The following TAFA2 variants were observed in gnomAD, a reference collection of about 807,000 sequenced individuals.
TAFA2 encodes the protein chemokine-like protein TAFA-2.
TAFA2 carries 7 observed loss-of-function variants against 18.8 expected under a neutral mutation model. The ratio of observed to expected loss-of-function variants is 0.37; its 90% confidence interval spans 0.21 to 0.70. The LOEUF is 0.70. TAFA2 is among the 30% of genes least tolerant of loss of function. The pLI is 0.53. For missense variants in TAFA2, 122 were observed against 158.1 expected (o/e 0.77, Z 1.23); for synonymous variants, 60 against 54.2 (o/e 1.11, Z -0.47).
At chr12:62,140,853 C>T (rs1317811630) in intron 1 of TAFA2, among the ~76,000 whole-genome samples, 2 of 152,146 alleles carry the variant, frequency 1.3e-5, no homozygotes, top group African/African-American at 2.4e-5. Flanking sequence ...GCCTTGCTTG[C>T]ATCACATCAA....
At chr12:61,712,348 A>G (rs547421945) in intron 4 of TAFA2, among the ~76,000 whole-genome samples, 3 of 152,262 alleles carry the variant, frequency 2.0e-5, no homozygotes, top group Admixed American at 6.5e-5. Context: ...TTGAGAAATG[A>G]TCCTCTCAGC....
intron 2 of TAFA2, among the ~76,000 whole-genome samples, chr12:61,837,040 A>G (rs953738393): frequency 5.3e-5 from 8 of 151,536 alleles, no homozygotes; most frequent in African/African-American, 1.9e-4. Context: ...TAAAATTTAG[A>G]AAGTTTTTTA....
chr12:61,906,401 G>T (rs968225864), intron 1 of TAFA2, among the ~76,000 whole-genome samples: 28 of 152,126 alleles, frequency 1.8e-4, no homozygotes, highest in African/African-American at 5.1e-4. Context: ...ATGCTCTCTT[G>T]CCTGCTGCCA....
At chr12:61,830,104 C>T (rs2121088377) in intron 2 of TAFA2, among the ~76,000 whole-genome samples, 1 of 151,468 alleles carries the variant, frequency 6.6e-6, no homozygotes. Flanking sequence ...ATGGAACCCA[C>T]CTGTATCTAC....
At chr12:62,086,478 G>A (rs183405732) in intron 1 of TAFA2, among the ~76,000 whole-genome samples, 39 of 152,070 alleles carry the variant, frequency 2.6e-4, no homozygotes, top group Middle Eastern at 6.8e-3. Flanking sequence ...ATTTAAAAAC[G>A]GACAAAGACT....
At chr12:62,073,877 G>C (rs907073138) in intron 1 of TAFA2, among the ~76,000 whole-genome samples, 2 of 152,164 alleles carry the variant, frequency 1.3e-5, no homozygotes, top group South Asian at 4.1e-4. Context: ...GCAAGAGTAG[G>C]GATTGTCTCC....
chr12:62,000,591 T>C (rs368649535), intron 1 of TAFA2, among the ~76,000 whole-genome samples: 2 of 146,572 alleles, frequency 1.4e-5, no homozygotes, highest in African/African-American at 4.9e-5. Flanking sequence ...GATATATCTA[T>C]GTATTTAAAC....
chr12:62,114,858 A>G (rs2136870342), intron 1 of TAFA2, among the ~76,000 whole-genome samples: 1 of 152,292 alleles, frequency 6.6e-6, no homozygotes, highest in East Asian at 1.9e-4. Context: ...TTTTCTTGGT[A>G]TAATTCATAG....
At chr12:62,250,078 C>T (rs1252744881) in intron 1 of TAFA2, among the ~76,000 whole-genome samples, 1 of 152,190 alleles carries the variant, frequency 6.6e-6, no homozygotes, top group Non-Finnish European at 1.5e-5. Context: ...GCATCTGCAT[C>T]TGGTGAGAAG....
intron 1 of TAFA2, among the ~76,000 whole-genome samples, chr12:61,919,760 T>A (rs1876976425): frequency 6.6e-6 from 1 of 152,030 alleles, no homozygotes; most frequent in African/African-American, 2.4e-5. Flanking sequence ...AATTGTATAA[T>A]TGTCAATTTC....
intron 2 of TAFA2, among the ~76,000 whole-genome samples, chr12:61,863,894 A>T (rs956596036): frequency 6.6e-6 from 1 of 152,128 alleles, no homozygotes; most frequent in Non-Finnish European, 1.5e-5. Flanking sequence ...AGGGTAGACG[A>T]GGCCATCTAT....
rs143657250 is a variant in TAFA2 at position 62,108,605 on chromosome 12, A to T, written c.-2+82654T>A. The stretch of plus-strand genomic sequence containing the variant: ...TGAACTAATTTACACTCCCACCAAC[A>T]GTGTAAAAGCGTTCCTATTTCTCCA... On this transcript the variant is annotated intron_variant, in intron 1 of 4. Coordinates refer to ENST00000416284, the MANE Select transcript of TAFA2 (RefSeq NM_178539.5). 8.6e-3 allele frequency among the ~76,000 whole-genome samples: 1,304 copies of T among 152,304 alleles called. 17 individuals carry two copies. Among genetic ancestry groups the T allele is most frequent in the Middle Eastern group, 0.034 (10 of 294 alleles).
intron 1 of TAFA2, among the ~76,000 whole-genome samples, chr12:62,178,336 C>A (rs553994028): frequency 6.6e-6 from 1 of 152,132 alleles, no homozygotes; most frequent in Admixed American, 6.5e-5. Flanking sequence ...CTCAGTGGGG[C>A]AGTAATAAAA....
At chr12:61,982,209 T>C (rs1398608353) in intron 1 of TAFA2, among the ~76,000 whole-genome samples, 1 of 152,102 alleles carries the variant, frequency 6.6e-6, no homozygotes, top group Admixed American at 6.5e-5. Context: ...AAACACCTCA[T>C]GTTCTCACTC....
At chr12:61,978,058 G>C (rs1030147477) in intron 1 of TAFA2, among the ~76,000 whole-genome samples, 3 of 152,030 alleles carry the variant, frequency 2.0e-5, no homozygotes, top group Non-Finnish European at 2.9e-5. Flanking sequence ...GCATTGTCCA[G>C]GTTTCACTTA....
At chr12:62,138,516 C>T (rs768252281) in intron 1 of TAFA2, among the ~76,000 whole-genome samples, 1 of 152,152 alleles carries the variant, frequency 6.6e-6, no homozygotes, top group Non-Finnish European at 1.5e-5. Context: ...ATTCCAGGCA[C>T]ACAGTATGTG....
At chr12:61,816,429 G>A (rs564622468) in intron 2 of TAFA2, among the ~76,000 whole-genome samples, 3 of 151,420 alleles carry the variant, frequency 2.0e-5, no homozygotes, top group Non-Finnish European at 2.9e-5. Context: ...TCATTGATGG[G>A]CATTTAGGTT....
chr12:62,258,602 G>C, intron 1 of TAFA2: 1 of 208,822 alleles, frequency 4.8e-6, no homozygotes, highest in South Asian at 4.8e-5. Context: ...AACAATACTA[G>C]TGTTTATTGA....
At chr12:61,911,093 G>A (rs1233510165) in intron 1 of TAFA2, among the ~76,000 whole-genome samples, 1 of 152,170 alleles carries the variant, frequency 6.6e-6, no homozygotes, top group Admixed American at 6.6e-5. Flanking sequence ...GAAGAAAATA[G>A]TCATATGCAC....
Sources: gnomAD v4.1 joint callset for allele counts (sites outside exome capture counted in the v4.1 genomes callset) on GRCh38, gnomAD v4.1.1 for gene constraint, MANE v1.5 for transcripts, NCBI Gene and HGNC (gene_info 2026-07-23, HGNC 2026-07-21) for gene names.